The following GCSAML variants were observed in gnomAD, a reference collection of about 807,000 sequenced individuals.
GCSAML encodes germinal center-associated signaling and motility-like protein.
Under a neutral mutation model 13.0 loss-of-function variants are expected in GCSAML, and 9 were observed. The ratio of observed to expected loss-of-function variants is 0.69; its 90% CI spans 0.42 to 1.21. GCSAML has a LOEUF of 1.21. GCSAML is among the 50% of genes most tolerant of loss of function. The probability of loss-of-function intolerance (pLI) is 0.00; values close to 1 mark genes in which losing one functional copy is unlikely to be tolerated. For missense variants in GCSAML, 143 were observed against 153.4 expected (o/e 0.93, Z 0.36); for synonymous variants, 37 against 52.9 (o/e 0.70, Z 1.31).
chr1:247,532,478 C>G, intron 2 of GCSAML: 1 of 1,614,048 alleles, frequency 6.2e-7, no homozygotes. Context: ...AGGACAAAGA[C>G]TTCTGGAGAA....
intron 2 of GCSAML, among the ~76,000 whole-genome samples, chr1:247,534,495 G>A (rs915165734): frequency 3.3e-5 from 5 of 152,326 alleles, no homozygotes; most frequent in Admixed American, 3.3e-4. Context: ...CTCTGCTTTT[G>A]TACAGTTGGA....
chr1:247,548,252 G>C (rs1025783428), upstream of GCSAML, among the ~76,000 whole-genome samples: 1 of 152,234 alleles, frequency 6.6e-6, no homozygotes, highest in Non-Finnish European at 1.5e-5. This position sits in a 1 kb window ranked among gnomAD's most constrained non-coding sequence, Gnocchi z 5.3. Context: ...ACGGCTCAGA[G>C]TCAGCTGTTA....
chr1:247,552,674 G>A (rs1374777542), intron 1 of GCSAML, among the ~76,000 whole-genome samples: 1 of 152,200 alleles, frequency 6.6e-6, no homozygotes, highest in Non-Finnish European at 1.5e-5. Context: ...TATATAAAAA[G>A]TGCCAGCTTG....
chr1:247,535,384 T>A (rs553142759), intron 2 of GCSAML, among the ~76,000 whole-genome samples: 35 of 152,170 alleles, frequency 2.3e-4, no homozygotes, highest in Non-Finnish European at 4.4e-5. Flanking sequence ...GTTTTCATCA[T>A]GTGAATGTGA....
chr1:247,554,973 G>A (rs1036642057), intron 1 of GCSAML, among the ~76,000 whole-genome samples: 1 of 152,128 alleles, frequency 6.6e-6, no homozygotes, highest in Non-Finnish European at 1.5e-5. Context: ...TAGAGTATTA[G>A]TTGATTTATT....
chr1:247,524,761 A>G (rs1558237643), intron 1 of GCSAML: 1 of 152,238 alleles, frequency 6.6e-6, no homozygotes, highest in East Asian at 1.9e-4. Context: ...AACATAGCAA[A>G]AGGATAAAAC....
At chr1:247,509,015 A>T (rs189609302) in intron 1 of GCSAML, among the ~76,000 whole-genome samples, 49 of 152,294 alleles carry the variant, frequency 3.2e-4, no homozygotes, top group African/African-American at 1.1e-3. Context: ...TGAATTTTAA[A>T]ATAGTTTCTT....
upstream of GCSAML, among the ~76,000 whole-genome samples, chr1:247,546,435 T>C (rs889363978): frequency 6.6e-6 from 1 of 152,128 alleles, no homozygotes. Context: ...CTCGGCTCAC[T>C]GCAAACTCCG....
In GCSAML at chr1:247,541,117, T is replaced by C. The variant is rs529611726; in HGVS notation, c.-147-7928T>C. On this transcript the variant is annotated intron_variant, in intron 2 of 5. Coordinates refer to the GCSAML transcript ENST00000366489. ...ATTTCTTTACCCATTTGGTCATAGT[T>C]TTGTCTAAACCTATGCTGGTTTAAA... 3.3e-5 allele frequency among the ~76,000 whole-genome samples: 5 copies of C among 152,358 alleles called. No individual in the cohort carries two copies. In the South Asian group the frequency reaches 1.0e-3, roughly 32 times the overall value.
chr1:247,525,204 A>T (rs1206625048), intron 1 of GCSAML: 1 of 152,206 alleles, frequency 6.6e-6, no homozygotes, highest in Admixed American at 6.5e-5. Context: ...GACTTCTGTG[A>T]CTAAAGGTGA....
intron 2 of GCSAML, chr1:247,531,216 AG>A (rs904412198): frequency 5.7e-5 from 16 of 281,698 alleles, no homozygotes; most frequent in African/African-American, 3.3e-4. Flanking sequence ...GCGTCGTCAA[AG>A]TTTATTATCC....
chr1:247,514,509 T>C (rs1666148831), intron 1 of GCSAML, among the ~76,000 whole-genome samples: 1 of 152,244 alleles, frequency 6.6e-6, no homozygotes. Context: ...TTTTGTTCCA[T>C]TTGCTTTTAG....
chr1:247,568,292 G>T (rs1010244978), intron 4 of GCSAML, among the ~76,000 whole-genome samples: 1 of 152,120 alleles, frequency 6.6e-6, no homozygotes, highest in Non-Finnish European at 1.5e-5. Context: ...TTCTTCTAGG[G>T]TTTTTATGGT....
At chr1:247,571,707 G>C (rs960489698) in intron 4 of GCSAML, among the ~76,000 whole-genome samples, 2 of 152,110 alleles carry the variant, frequency 1.3e-5, no homozygotes, top group African/African-American at 4.8e-5. Context: ...GAGTATCTTT[G>C]TGATGTTCTC....
intron 1 of GCSAML, among the ~76,000 whole-genome samples, chr1:247,515,532 A>G (rs1666181522): frequency 2.0e-5 from 3 of 152,210 alleles, no homozygotes; most frequent in Admixed American, 2.0e-4. Context: ...GCACTGCTAG[A>G]AAGAACTACC....
rs771553545 is a variant in GCSAML, at chr1:247,574,138, G to T, written c.169-5G>T. The T allele has an allele frequency of 1.2e-6, 2 of 1,613,568 alleles. No individual in the cohort carries two copies. Among genetic ancestry groups the T allele is most frequent in the Admixed American group, 3.3e-5 (2 of 59,972 alleles). Reference sequence around the variant, plus strand: ...CTTGATTTCTTTTCTCTTTGTGCTTGGCAGGAAAACGAGAATGGCAGTGGT... The same window carrying T: ...CTTGATTTCTTTTCTCTTTGTGCTTTGCAGGAAAACGAGAATGGCAGTGGT... On this transcript the variant is annotated splice_region_variant and splice_polypyrimidine_tract_variant and intron_variant, in intron 4 of 4. Coordinates refer to ENST00000366488, the MANE Select transcript of GCSAML (RefSeq NM_145278.5).
At chr1:247,544,181 G>A (rs1049621800), upstream of GCSAML, among the ~76,000 whole-genome samples, 10 of 152,108 alleles carry the variant, frequency 6.6e-5, no homozygotes, top group African/African-American at 2.2e-4. Context: ...ATGAAAGGTC[G>A]AAATTTTGCA....
chr1:247,553,761 C>G (rs984521273), intron 1 of GCSAML, among the ~76,000 whole-genome samples: 50 of 152,310 alleles, frequency 3.3e-4, no homozygotes, highest in Admixed American at 1.1e-3. Context: ...CCACTGCACC[C>G]AGCTCTTCTG....
chr1:247,510,573 T>C (rs190977389), intron 1 of GCSAML, among the ~76,000 whole-genome samples: 66 of 152,302 alleles, frequency 4.3e-4, no homozygotes, highest in African/African-American at 1.6e-3. Flanking sequence ...GCTTCTCTAG[T>C]TGTTTTAATT....
Sources: allele counts gnomAD v4.1 joint callset (sites outside exome capture counted in the v4.1 genomes callset), GRCh38; gene constraint gnomAD v4.1.1; non-coding constraint Gnocchi (gnomAD v3.1); transcripts MANE v1.5; gene names NCBI Gene and HGNC (gene_info 2026-07-23, HGNC 2026-07-21).